Variants in ESR1 observed in about 807,000 individuals in gnomAD.
ESR1 encodes the protein estrogen receptor.
ESR1 carries 12 observed loss-of-function variants against 52.7 expected under a neutral mutation model. The observed-to-expected ratio is 0.23, with a 90% CI of 0.15 to 0.37. The LOEUF (loss-of-function observed/expected upper bound fraction) is 0.37, where lower values mean the gene tolerates loss of function less well. Ranked by LOEUF, ESR1 falls within the 10% of genes least tolerant of loss-of-function variation. ESR1 has a pLI of 1.00. For missense variants in ESR1, 584 were observed against 779.7 expected (o/e 0.75, Z 2.99); for synonymous variants, 305 against 316.8 (o/e 0.96, Z 0.39).
chr6:151,803,837 G>T (rs937955159), upstream of ESR1, among the ~76,000 whole-genome samples: 1 of 152,200 alleles, frequency 6.6e-6, no homozygotes, highest in Non-Finnish European at 1.5e-5. Context: ...ATTTTAATCT[G>T]GGTGGCTGGA....
intron 2 of ESR1, among the ~76,000 whole-genome samples, chr6:151,767,403 C>G (rs1221634531): frequency 6.6e-6 from 1 of 152,172 alleles, no homozygotes; most frequent in Non-Finnish European, 1.5e-5. Flanking sequence ...CAGGGAACTC[C>G]TCTTTCTGTC....
intron 4 of ESR1, among the ~76,000 whole-genome samples, chr6:151,954,058 A>G (rs1432191670): frequency 3.9e-5 from 6 of 152,122 alleles, no homozygotes; most frequent in Admixed American, 6.6e-5. Context: ...GCTAGCGTGA[A>G]CTAAATCCCC....
chr6:151,690,206 A>G (rs1778849166), upstream of ESR1, among the ~76,000 whole-genome samples: 1 of 152,192 alleles, frequency 6.6e-6, no homozygotes, highest in African/African-American at 2.4e-5. Context: ...TATGTGCTGA[A>G]TGATGTTTTA....
At chr6:151,952,426 T>C (rs1325255388) in intron 4 of ESR1, among the ~76,000 whole-genome samples, 4 of 152,186 alleles carry the variant, frequency 2.6e-5, no homozygotes, top group Non-Finnish European at 5.9e-5. Context: ...CCCCTTCACA[T>C]AATGTCTTCA....
chr6:151,955,861 G>A (rs1313739018), intron 4 of ESR1, among the ~76,000 whole-genome samples: 3 of 151,124 alleles, frequency 2.0e-5, no homozygotes, highest in African/African-American at 4.9e-5. Context: ...TTTTTTTTCC[G>A]AACCTCTCCT....
intron 5 of ESR1, 66 bp downstream of exon 5, chr6:152,011,860 A>G (rs2128780302): frequency 1.3e-6 from 2 of 1,551,160 alleles, no homozygotes; most frequent in Non-Finnish European, 1.8e-6. Flanking sequence ...TCATGAAACT[A>G]TTTTATTCAT....
intron 1 of ESR1, among the ~76,000 whole-genome samples, chr6:151,692,725 A>G (rs1479205652): frequency 6.6e-6 from 1 of 152,216 alleles, no homozygotes; most frequent in African/African-American, 2.4e-5. Context: ...CCTTCTGGGC[A>G]ACATCTCAGT....
chr6:151,712,181 C>G (rs1413125075), intron 2 of ESR1, among the ~76,000 whole-genome samples: 1 of 152,130 alleles, frequency 6.6e-6, no homozygotes, highest in African/African-American at 2.4e-5. Context: ...TCTGAGGCCT[C>G]TGTTCTGTTC....
At chr6:152,030,119 C>G (rs1475494368) in intron 5 of ESR1, among the ~76,000 whole-genome samples, 1 of 152,126 alleles carries the variant, frequency 6.6e-6, no homozygotes, top group East Asian at 1.9e-4. Context: ...CCAGGCCTGC[C>G]CTACAAGAGC....
chr6:152,107,969 T>C (rs973092204), downstream of ESR1, among the ~76,000 whole-genome samples: 1 of 152,184 alleles, frequency 6.6e-6, no homozygotes, highest in Non-Finnish European at 1.5e-5. Flanking sequence ...CCAGCAAGGC[T>C]TCTGTCCTCC....
intron 5 of ESR1, among the ~76,000 whole-genome samples, chr6:152,047,299 T>G (rs530077765): frequency 6.6e-6 from 1 of 152,204 alleles, no homozygotes; most frequent in South Asian, 2.1e-4. Context: ...ACCTGGTCAA[T>G]TCTAACTGAG....
chr6:151,986,825 AT>A (rs1342556638), intron 4 of ESR1, among the ~76,000 whole-genome samples: 2 of 152,164 alleles, frequency 1.3e-5, no homozygotes, highest in African/African-American at 4.8e-5. Flanking sequence ...AATATGAATC[AT>A]TTGTTCTCTC....
chr6:152,109,182 C>T (rs1185939839), intron 6 of ESR1, among the ~76,000 whole-genome samples: 1 of 152,154 alleles, frequency 6.6e-6, no homozygotes, highest in African/African-American at 2.4e-5. Context: ...AACTCCGTCC[C>T]ATGATCCAAT....
At chr6:152,031,090 T>C (rs1428302355) in intron 5 of ESR1, among the ~76,000 whole-genome samples, 1 of 152,024 alleles carries the variant, frequency 6.6e-6, no homozygotes, top group Non-Finnish European at 1.5e-5. Context: ...TTGAAACCAA[T>C]GAGAACAAAG....
chr6:151,831,991 T>A (rs1439557535), intron 1 of ESR1, among the ~76,000 whole-genome samples: 1 of 152,222 alleles, frequency 6.6e-6, no homozygotes, highest in Non-Finnish European at 1.5e-5. Flanking sequence ...CAGTCATTTT[T>A]GTGGAAGAAA....
intron 5 of ESR1, among the ~76,000 whole-genome samples, chr6:152,043,709 C>T (rs1250900390): frequency 3.3e-5 from 5 of 152,174 alleles, no homozygotes; most frequent in Non-Finnish European, 7.4e-5. Context: ...TGCCTCCCCT[C>T]TGTTGCCTGT....
chr6:151,837,244 C>T (rs777006634), intron 1 of ESR1, among the ~76,000 whole-genome samples: 6 of 151,396 alleles, frequency 4.0e-5, no homozygotes, highest in Non-Finnish European at 7.4e-5. Flanking sequence ...GGATTACAGG[C>T]ACCTGCCACC....
At chr6:151,926,346 C>T (rs936803648) in intron 3 of ESR1, among the ~76,000 whole-genome samples, 1 of 152,080 alleles carries the variant, frequency 6.6e-6, no homozygotes, top group Admixed American at 6.6e-5. Flanking sequence ...CTTCTTTAAA[C>T]ATGTTGGAAT....
At chr6:151,725,550 A>T (rs1309052522) in intron 2 of ESR1, among the ~76,000 whole-genome samples, 1 of 152,172 alleles carries the variant, frequency 6.6e-6, no homozygotes, top group East Asian at 1.9e-4. Context: ...ATTGTTTGTC[A>T]TCCTGTTCTA....
Sources: allele counts gnomAD v4.1 joint callset (sites outside exome capture counted in the v4.1 genomes callset), GRCh38; gene constraint gnomAD v4.1.1; transcripts MANE v1.5; gene names NCBI Gene and HGNC (gene_info 2026-07-23, HGNC 2026-07-21).